TBCD: variants seen among roughly 807,000 people sequenced by gnomAD.
TBCD encodes tubulin-specific chaperone D.
TBCD carries 105 observed loss-of-function variants against 169.3 expected under a neutral mutation model. That is an observed-to-expected ratio of 0.62 (90% CI 0.53 to 0.73). The LOEUF (loss-of-function observed/expected upper bound fraction) is 0.73, where lower values mean the gene tolerates loss of function less well. TBCD is among the 30% of genes least tolerant of loss of function. The probability of loss-of-function intolerance (pLI) is 0.00; values close to 1 mark genes in which losing one functional copy is unlikely to be tolerated. For missense variants in TBCD, 1,444 were observed against 1,600.1 expected (o/e 0.90, Z 1.66); for synonymous variants, 700 against 643.9 (o/e 1.09, Z -1.32).
intron 1 of TBCD, among the ~76,000 whole-genome samples, chr17:82,752,850 A>T (rs2047186096): frequency 6.6e-6 from 1 of 152,014 alleles, no homozygotes. Flanking sequence ...AGAGAGGGGG[A>T]CGCAGGGAAC....
chr17:82,867,725 G>A (rs1407175352), intron 13 of TBCD, among the ~76,000 whole-genome samples: 6 of 152,184 alleles, frequency 3.9e-5, no homozygotes, highest in African/African-American at 9.7e-5. Flanking sequence ...GTTTGGTTTC[G>A]CGTCTCACAT....
intron 6 of TBCD, among the ~76,000 whole-genome samples, 194 bp from the exon 7 acceptor site, chr17:82,781,395 G>A (rs958993404): frequency 3.3e-5 from 5 of 152,066 alleles, no homozygotes; most frequent in Non-Finnish European, 5.9e-5. Flanking sequence ...GGTCAGGGCA[G>A]CGACTTGGTT....
chr17:82,939,060 A>T, intron 36 of TBCD: 1 of 464,922 alleles, frequency 2.2e-6, no homozygotes, highest in Non-Finnish European at 3.9e-6. Context: ...GTTAATAGAG[A>T]GCAGGCGAGA....
At chr17:82,791,091 CTTT>C (rs35648641) in intron 7 of TBCD, among the ~76,000 whole-genome samples, 1 of 124,650 alleles carries the variant, frequency 8.0e-6, no homozygotes. Context: ...TCTCTTGCAT[CTTT>C]TTTTTTTTTT....
intron 34 of TBCD, among the ~76,000 whole-genome samples, chr17:82,935,799 G>A (rs2062573281): frequency 6.6e-6 from 1 of 152,130 alleles, no homozygotes; most frequent in South Asian, 2.1e-4. Context: ...AATTTTCCAC[G>A]TTTTTACTTT....
chr17:82,891,241 G>T (rs2059117604), intron 16 of TBCD, among the ~76,000 whole-genome samples: 1 of 152,240 alleles, frequency 6.6e-6, no homozygotes, highest in Non-Finnish European at 1.5e-5. Context: ...TATCGGGGCA[G>T]CTCAGGTTGG....
intron 13 of TBCD, among the ~76,000 whole-genome samples, chr17:82,850,521 TTGGCTG>T (rs1162129528): frequency 2.8e-4 from 29 of 104,116 alleles, no homozygotes; most frequent in African/African-American, 6.0e-4. Context: ...TGTGCTGTTG[TTGGCTG>T]TGCTGTTGTT....
chr17:82,899,336 TCGTGTCCTCAGTG>T lies in TBCD; in HGVS notation c.1650-1307_1650-1295del, dbSNP rs781294848. Among the ~76,000 whole-genome samples the T allele has an allele frequency of 5.7e-4, 83 of 146,376 alleles. 1 individual carries two copies. Among genetic ancestry groups the T allele is most frequent in the Middle Eastern group, 3.6e-3 (1 of 274 alleles). On this transcript the variant is annotated intron_variant, in intron 17 of 38. Transcript: ENST00000355528. ...TGTCCTCAGCGCGCGCGTCCTCAGC[TCGTGTCCTCAGTG>T]CGTGTCCGCAGTGCGTCCTCAGCGC...
chr17:82,774,021 G>A (rs1336546753), intron 6 of TBCD, among the ~76,000 whole-genome samples: 3 of 149,538 alleles, frequency 2.0e-5, no homozygotes, highest in Non-Finnish European at 4.4e-5. Context: ...GAGCCACCGC[G>A]CCTGGCCCGA....
At chr17:82,830,161 C>T in intron 13 of TBCD, 1 of 1,614,070 alleles carries the variant, frequency 6.2e-7, no homozygotes. Context: ...CCGGGCCCTC[C>T]TTCGTAGTGT....
chr17:82,858,451 C>A, intron 13 of TBCD: 2 of 436,772 alleles, frequency 4.6e-6, no homozygotes, highest in Non-Finnish European at 6.1e-6. Flanking sequence ...CAGGCCTATT[C>A]GGCATTTAAA....
At chr17:82,883,686 C>G (rs1357213969) in intron 14 of TBCD, among the ~76,000 whole-genome samples, 1 of 152,246 alleles carries the variant, frequency 6.6e-6, no homozygotes, top group East Asian at 1.9e-4. Context: ...TCTGCAGGAC[C>G]TGGACAGCCC....
chr17:82,804,566 A>G (rs911751917), intron 9 of TBCD, among the ~76,000 whole-genome samples: 1 of 152,140 alleles, frequency 6.6e-6, no homozygotes, highest in Non-Finnish European at 1.5e-5. Flanking sequence ...CATGCTCCTC[A>G]TGGGTTGCTG....
At chr17:82,762,189 G>A (rs1249781052) in intron 2 of TBCD, among the ~76,000 whole-genome samples, 5 of 151,244 alleles carry the variant, frequency 3.3e-5, no homozygotes, top group Admixed American at 1.3e-4. Context: ...GGCGGTGTGC[G>A]CATGTAGTCC....
At chr17:82,761,563 G>A (rs912936738) in intron 2 of TBCD, among the ~76,000 whole-genome samples, 83 of 152,186 alleles carry the variant, frequency 5.5e-4, no homozygotes, top group African/African-American at 1.9e-3. Flanking sequence ...GTTGGTTAAT[G>A]GTACTGTTCA....
chr17:82,846,352 C>T (rs1197115897), intron 13 of TBCD, among the ~76,000 whole-genome samples: 1 of 151,318 alleles, frequency 6.6e-6, no homozygotes, highest in African/African-American at 2.4e-5. Context: ...CCTCTGCTGC[C>T]CCCTCCATGC....
intron 13 of TBCD, among the ~76,000 whole-genome samples, chr17:82,828,011 A>C (rs2053046316): frequency 6.6e-6 from 1 of 151,174 alleles, no homozygotes; most frequent in South Asian, 2.1e-4. Flanking sequence ...ACACACCTGC[A>C]GATATGTACA....
intron 6 of TBCD, among the ~76,000 whole-genome samples, chr17:82,778,378 G>A (rs150354835): frequency 1.7e-3 from 264 of 152,296 alleles, no homozygotes; most frequent in Admixed American, 5.4e-3. Context: ...GCTTCCTTCT[G>A]CGATGAAGTT....
Position 82,753,176 on chromosome 17 carries a change from C to T in TBCD, c.184+799C>T, listed in dbSNP as rs528232575. On this transcript the variant is annotated intron_variant, in intron 1 of 38. Coordinates refer to ENST00000355528, the MANE Select transcript of TBCD (RefSeq NM_005993.5). ...AGAACTTTTGCATTATTTGGCCTTC[C>T]TCATTTTAGAATGACAGCGCTTTGA... Among the ~76,000 whole-genome samples, 6 of 152,234 alleles carry T rather than the reference C, an allele frequency of 3.9e-5. No individual in the cohort carries two copies. In the East Asian group the frequency reaches 5.8e-4, roughly 15 times the overall value.
Sources: allele counts gnomAD v4.1 joint callset (sites outside exome capture counted in the v4.1 genomes callset), GRCh38; gene constraint gnomAD v4.1.1; transcripts MANE v1.5; gene names NCBI Gene and HGNC (gene_info 2026-07-23, HGNC 2026-07-21).